Variants in PHC3 observed in about 807,000 individuals in gnomAD.
The protein encoded by PHC3 is polyhomeotic-like protein 3.
A neutral mutation model predicts 107.4 loss-of-function variants in PHC3; 13 were observed. The observed-to-expected ratio is 0.12, with a 90% CI of 0.08 to 0.19. PHC3 has a LOEUF of 0.19. Ranked by LOEUF, PHC3 falls within the 10% of genes least tolerant of loss-of-function variation. The pLI, the probability that PHC3 is intolerant of heterozygous loss-of-function variation, is 1.00. For missense variants in PHC3, 992 were observed against 1,210.9 expected, an observed-to-expected ratio of 0.82 and a Z score of 2.68; for synonymous variants, 456 against 427.4, an observed-to-expected ratio of 1.07 and a Z score of -0.83.
intron 14 of PHC3, chr3:170,102,075 T>C (rs2108267602): frequency 1.1e-6 from 1 of 893,630 alleles, no homozygotes; most frequent in Middle Eastern, 5.7e-4. Context: ...AAAGTCTCTC[T>C]TACTTCATTT....
intron 7 of PHC3, among the ~76,000 whole-genome samples, chr3:170,132,400 G>A (rs1722399852): frequency 6.6e-6 from 1 of 152,162 alleles, no homozygotes; most frequent in African/African-American, 2.4e-5. Flanking sequence ...GCCCTGTTAT[G>A]GACTGAATGT....
chr3:170,141,606 CTTT>C (rs1298333278), intron 6 of PHC3, among the ~76,000 whole-genome samples: 1 of 151,964 alleles, frequency 6.6e-6, no homozygotes, highest in Non-Finnish European at 1.5e-5. Flanking sequence ...ACTATAAATT[CTTT>C]TTTTGTTTTG....
At chr3:170,161,047 ATACT>A (rs1293940758) in intron 4 of PHC3, among the ~76,000 whole-genome samples, 9 of 152,254 alleles carry the variant, frequency 5.9e-5, no homozygotes, top group African/African-American at 1.7e-4. Context: ...ATTCTAGTTG[ATACT>A]TACTACCTAC....
intron 7 of PHC3, among the ~76,000 whole-genome samples, chr3:170,132,423 A>G (rs998296690): frequency 2.6e-5 from 4 of 152,208 alleles, no homozygotes; most frequent in African/African-American, 4.8e-5. Flanking sequence ...GTGGCACAAA[A>G]TTCGTATGCT....
chr3:170,143,986 C>T (rs1724532275), intron 6 of PHC3, among the ~76,000 whole-genome samples: 1 of 151,802 alleles, frequency 6.6e-6, no homozygotes, highest in South Asian at 2.1e-4. Flanking sequence ...TGCTAAACAT[C>T]ATGTTTTTTA....
chr3:170,142,892 A>G (rs1343050149), intron 6 of PHC3, among the ~76,000 whole-genome samples: 1 of 152,196 alleles, frequency 6.6e-6, no homozygotes, highest in African/African-American at 2.4e-5. Flanking sequence ...TCATTATTTC[A>G]GGCTGGCACA....
chr3:170,151,153 G>A (rs1725904763), intron 4 of PHC3, among the ~76,000 whole-genome samples: 1 of 152,080 alleles, frequency 6.6e-6, no homozygotes, highest in African/African-American at 2.4e-5. Context: ...GGAGGTTGCA[G>A]TGACCCAAGA....
intron 4 of PHC3, among the ~76,000 whole-genome samples, chr3:170,165,475 G>A (rs984610327): frequency 3.9e-5 from 6 of 152,034 alleles, no homozygotes; most frequent in Admixed American, 1.3e-4. Flanking sequence ...GATGAAGGCT[G>A]GGCACAGTGG....
intron 4 of PHC3, among the ~76,000 whole-genome samples, chr3:170,160,923 A>G (rs1301657027): frequency 6.6e-6 from 1 of 152,168 alleles, no homozygotes; most frequent in Non-Finnish European, 1.5e-5. Flanking sequence ...ACAAAAAAAG[A>G]GTTAACATTA....
intron 14 of PHC3, among the ~76,000 whole-genome samples, chr3:170,101,487 AAGTT>A (rs2108264970): frequency 6.6e-6 from 1 of 152,314 alleles, no homozygotes; most frequent in South Asian, 2.1e-4. Context: ...AAACTGTAAA[AAGTT>A]AGTAGACAAG....
intron 14 of PHC3, among the ~76,000 whole-genome samples, chr3:170,099,979 A>G (rs1029518326): frequency 6.6e-6 from 1 of 152,204 alleles, no homozygotes; most frequent in Admixed American, 6.6e-5. Flanking sequence ...TAAATTGAAA[A>G]TAAGAATTAT....
At chr3:170,102,211 C>A in intron 14 of PHC3, 1 of 985,362 alleles carries the variant, frequency 1.0e-6, no homozygotes, top group Non-Finnish European at 1.2e-6. Context: ...GAGAAGAAAG[C>A]ACCTTTAATA....
intron 4 of PHC3, among the ~76,000 whole-genome samples, chr3:170,165,472 G>T (rs930582913): frequency 3.3e-5 from 5 of 152,108 alleles, no homozygotes; most frequent in Admixed American, 2.0e-4. Context: ...TATGATGAAG[G>T]CTGGGCACAG....
At chr3:170,174,406 TAAATA>T (rs1398968379) in intron 2 of PHC3, among the ~76,000 whole-genome samples, 1 of 152,110 alleles carries the variant, frequency 6.6e-6, no homozygotes, top group African/African-American at 2.4e-5. Context: ...TGAAACTTCA[TAAATA>T]AATATAGAAA....
chr3:170,112,764 T>A (rs1718085156), intron 11 of PHC3, among the ~76,000 whole-genome samples: 1 of 152,222 alleles, frequency 6.6e-6, no homozygotes, highest in South Asian at 2.1e-4. Context: ...CCTCAAGTGA[T>A]CTGCCTGCCT....
intron 4 of PHC3, among the ~76,000 whole-genome samples, chr3:170,163,861 CAAAAAAAAAAAAA>C (rs200514068): frequency 3.5e-5 from 3 of 85,102 alleles, no homozygotes; most frequent in Non-Finnish European, 7.3e-5. Context: ...AGACTCTGTC[CAAAAAAAAAAAAA>C]AAAAAAAAAA....
At chr3:170,178,301 G>A (rs865905803) in intron 2 of PHC3, among the ~76,000 whole-genome samples, 1 of 151,806 alleles carries the variant, frequency 6.6e-6, no homozygotes, top group Non-Finnish European at 1.5e-5. Context: ...CCGCCACTGC[G>A]CCCGGCTAAT....
At chr3:170,119,036 T>TAAAAAAAAAAAAAAAAAAAAAAAAAAAA (rs1002478959) in intron 9 of PHC3, among the ~76,000 whole-genome samples, 9 of 72,650 alleles carry the variant, frequency 1.2e-4, no homozygotes, top group African/African-American at 1.9e-4. Context: ...TATAAAAAGC[T>TAAAAAAAAAAAAAAAAAAAAAAAAAAAA]AAAAAAAAAA....
Position 170,129,176 on chromosome 3 carries a change from A to G in PHC3, c.1296T>C (p.Ile432=), listed in dbSNP as rs1204764675. The change falls in exon 8 of 15, where the codon ATT becomes ATC. Residue 432 remains isoleucine, a synonymous_variant. Coordinates refer to ENST00000495893, the MANE Select transcript of PHC3 (RefSeq NM_024947.4). Reference sequence around the variant, plus strand: ...CTGATGACACAAGAGGGTGTGGCTGAATAAGTGCTTGTGGATGAATAATTA... The same window carrying G: ...CTGATGACACAAGAGGGTGTGGCTGGATAAGTGCTTGTGGATGAATAATTA... ...PTIIIHPQAL[I]QPHPLVSSAL... 1 of 1,613,822 alleles carries G rather than the reference A, an allele frequency of 6.2e-7. No homozygotes were observed. The highest frequency in any genetic ancestry group is 1.3e-5 in the African/African-American group (1 of 74,906).
Sources: allele counts gnomAD v4.1 joint callset (sites outside exome capture counted in the v4.1 genomes callset), GRCh38; gene constraint gnomAD v4.1.1; transcripts MANE v1.5; gene names NCBI Gene and HGNC (gene_info 2026-07-23, HGNC 2026-07-21).